PLEKHG7: variants seen among roughly 807,000 people sequenced by gnomAD.
PLEKHG7 encodes the protein pleckstrin homology and RhoGEF domain containing G7, also known as pleckstrin homology domain-containing family G member 7.
In PLEKHG7, 77 loss-of-function variants were observed where a neutral mutation model predicts 85.2. The ratio of observed to expected loss-of-function variants is 0.90; its 90% confidence interval spans 0.75 to 1.09. The LOEUF (loss-of-function observed/expected upper bound fraction) is 1.09. Ranked by LOEUF, PLEKHG7 falls within the 50% of genes least tolerant of loss-of-function variation. PLEKHG7 has a pLI of 0.00. For missense variants in PLEKHG7, 777 were observed against 804.3 expected (o/e 0.97, Z 0.41); for synonymous variants, 301 against 302.4 (o/e 1.00, Z 0.05).
chr12:92,740,989 A>G (rs1236467716), intron 8 of PLEKHG7, 41 bp downstream of exon 8: 1 of 1,398,948 alleles, frequency 7.1e-7, no homozygotes. Context: ...CATTCACTAG[A>G]GGACCATGAA....
chr12:92,706,760 C>T lies in PLEKHG7; in HGVS notation c.129C>T (p.Gly43=). 1 of 1,614,078 alleles carries T rather than the reference C, an allele frequency of 6.2e-7. No individual in the cohort carries two copies. Among genetic ancestry groups the T allele is most frequent in the Non-Finnish European group, 8.5e-7 (1 of 1,180,030 alleles). ...SLLQFDRQAP[G]RISTSPTLRR... ...TCCAGTTTGACCGGCAAGCCCCAGGCCGCATCTCCACCTCGCCCACTTTGA... is the reference window on the plus strand; with the variant it reads ...TCCAGTTTGACCGGCAAGCCCCAGGTCGCATCTCCACCTCGCCCACTTTGA... Residue 43 remains glycine, a synonymous_variant, in exon 2 of 17, where the codon GGC becomes GGT. Transcript: ENST00000344636.
At chr12:92,718,844 C>T (rs1014955702) in intron 3 of PLEKHG7, among the ~76,000 whole-genome samples, 2 of 152,186 alleles carry the variant, frequency 1.3e-5, no homozygotes, top group African/African-American at 2.4e-5. Context: ...GCTCTGAACA[C>T]ATGTCCTCAA....
chr12:92,729,049 TC>T lies in PLEKHG7; in HGVS notation c.591del (p.Asp199ThrfsTer19). On this transcript the variant is annotated frameshift_variant, in exon 4 of 17. Coordinates refer to ENST00000344636, the MANE Select transcript of PLEKHG7 (RefSeq NM_001377329.1). LOFTEE classifies it high-confidence loss of function. The part of the protein sequence containing the change: ...VVLNLPGLEV[F>X]PGDLLVSDGA... ...CTGAACTTACCTGGACTTGAGGTGTTCCCCGGGGACCTTCTGGTGTCAGATG... is the reference window on the plus strand; with the variant it reads ...CTGAACTTACCTGGACTTGAGGTGTTCCCGGGGACCTTCTGGTGTCAGATG... 1 of 1,231,854 alleles carries T rather than the reference TC, an allele frequency of 8.1e-7. No homozygotes were observed. Among genetic ancestry groups the T allele is most frequent in the Admixed American group, 4.2e-5 (1 of 23,694 alleles). 76.3% of individuals were successfully genotyped at this position (1,231,854 alleles called of 1,614,324 possible).
chr12:92,734,742 A>T (rs1181974871), intron 5 of PLEKHG7, among the ~76,000 whole-genome samples: 3 of 152,132 alleles, frequency 2.0e-5, no homozygotes, highest in Admixed American at 2.0e-4. Context: ...CACTCCAAAA[A>T]TTTATATATT....
intron 3 of PLEKHG7, among the ~76,000 whole-genome samples, chr12:92,712,713 C>G (rs551312959): frequency 6.6e-6 from 1 of 152,106 alleles, no homozygotes; most frequent in African/African-American, 2.4e-5. Flanking sequence ...TCCGTAATAG[C>G]CCTCACCCTA....
chr12:92,756,826 A>T (rs1202555453), intron 13 of PLEKHG7, among the ~76,000 whole-genome samples: 4 of 152,128 alleles, frequency 2.6e-5, no homozygotes, highest in Non-Finnish European at 1.5e-5. Flanking sequence ...AGATATAAAA[A>T]CTCATTCTGT....
intron 13 of PLEKHG7, among the ~76,000 whole-genome samples, chr12:92,758,478 A>G (rs908158339): frequency 6.6e-6 from 1 of 152,182 alleles, no homozygotes; most frequent in South Asian, 2.1e-4. Flanking sequence ...CATAATGAGA[A>G]CCCACATGGA....
chr12:92,764,141 C>A lies in PLEKHG7; in HGVS notation c.1817C>A (p.Pro606His), dbSNP rs780281706. The A allele has an allele frequency of 6.2e-7, 1 of 1,610,656 alleles. No homozygotes were observed. The highest frequency in any genetic ancestry group is 1.1e-5 in the South Asian group (1 of 90,562). The part of the protein sequence containing the change: ...EGGSCTVLDQ[P>H]IPLDRLVVKS... ...GGTTCGTGTACAGTACTCGATCAGC[C>A]TATTCCACTAGATAGATTGGTAGTC... is the stretch of plus-strand genomic sequence containing the variant. Residue 606 changes from proline to histidine, a missense_variant, in exon 15 of 17, where the codon CCT becomes CAT. Pro to His is a moderately conservative substitution (Grantham distance 77, BLOSUM62 -2). Transcript: ENST00000344636.
intron 15 of PLEKHG7, among the ~76,000 whole-genome samples, chr12:92,767,173 A>G (rs1223607771): frequency 6.6e-6 from 1 of 152,240 alleles, no homozygotes. Flanking sequence ...ATGGTGCCCA[A>G]TACATAGAAA....
intron 15 of PLEKHG7, among the ~76,000 whole-genome samples, chr12:92,766,349 C>G (rs927355208): frequency 6.6e-6 from 1 of 152,134 alleles, no homozygotes; most frequent in African/African-American, 2.4e-5. Context: ...TGGCCTGACA[C>G]ATAGACTTGA....
chr12:92,732,182 G>A (rs538831720), intron 4 of PLEKHG7, 51 bp from the exon 5 acceptor site: 11 of 1,112,246 alleles, frequency 9.9e-6, no homozygotes, highest in East Asian at 6.4e-5. Context: ...ATGATCTGTC[G>A]CTAGTTACTC....
intron 3 of PLEKHG7, among the ~76,000 whole-genome samples, chr12:92,715,112 T>C (rs1871445235): frequency 6.6e-6 from 1 of 152,178 alleles, no homozygotes; most frequent in South Asian, 2.1e-4. Flanking sequence ...GGTCCCACAA[T>C]AGGCTGTCTG....
At chr12:92,719,214 C>T (rs926289231) in intron 3 of PLEKHG7, among the ~76,000 whole-genome samples, 2 of 152,146 alleles carry the variant, frequency 1.3e-5, no homozygotes, top group Admixed American at 6.5e-5. Context: ...CAATAATTGG[C>T]AGTACAGTTG....
chr12:92,769,001 C>G lies in PLEKHG7; in HGVS notation c.1889C>G (p.Ala630Gly), dbSNP rs1213434511. 2 of 1,595,112 alleles carry G rather than the reference C, an allele frequency of 1.3e-6. No homozygotes were observed. Among genetic ancestry groups the G allele is most frequent in the East Asian group, 2.2e-5 (1 of 44,506 alleles). The part of the protein sequence containing the change: ...LHVSVFGLRN[A>G]FLIQHENRYR... ...TTTCTAGTCTTTGGGCTGAGAAATG[C>G]TTTTCTTATACAACACGAAAACAGA... Residue 630 changes from alanine to glycine, a missense_variant, in exon 16 of 17, where the codon GCT (alanine) becomes GGT (glycine). Ala to Gly is a moderately conservative substitution (Grantham distance 60, BLOSUM62 0). This residue lies in a region of PLEKHG7 where 520 missense variants were observed against 544.0 expected (regional missense o/e 0.96). Transcript: ENST00000344636.
intron 3 of PLEKHG7, among the ~76,000 whole-genome samples, chr12:92,726,504 A>G (rs552742153): frequency 8.8e-4 from 134 of 152,328 alleles, no homozygotes; most frequent in African/African-American, 2.8e-3. Flanking sequence ...AAGAAATTGC[A>G]TCTCTGTCCC....
In PLEKHG7 at chr12:92,740,921, T is replaced by G. The variant is rs1049808596; in HGVS notation, c.1008T>G (p.Leu336=). The G allele has an allele frequency of 6.2e-7, 1 of 1,612,188 alleles. No homozygotes were observed. The highest frequency in any genetic ancestry group is 8.5e-7 in the Non-Finnish European group (1 of 1,178,720). The change falls in exon 8 of 17, where the codon CTT becomes CTG. Residue 336 remains leucine (L), a synonymous_variant. Transcript: ENST00000344636. The part of the protein sequence containing the change: ...EYLLDVDLWR[L]FANLEELTQT... ...TCCTAGATGTGGATTTATGGAGACT[T>G]TTTGCAAACCTGGAGGAGTTAACTC...
chr12:92,745,378 C>A, intron 9 of PLEKHG7, 100 bp from the exon 10 acceptor site: 1 of 770,566 alleles, frequency 1.3e-6, no homozygotes, highest in Non-Finnish European at 2.2e-6. Flanking sequence ...CCACTTTTCC[C>A]TGTTCTAGTT....
At position 92,745,549 on chromosome 12, in the gene PLEKHG7, TGAG is replaced by T. The variant is rs1872512185; in HGVS notation, c.1210_1212del (p.Glu404del). On this transcript the variant is annotated inframe_deletion, in exon 10 of 17. Coordinates refer to ENST00000344636, the MANE Select transcript of PLEKHG7 (RefSeq NM_001377329.1). ...ACTATTCAGCTGCTATCTTTTATCT[TGAG>T]AGCCTGAGGCAGAGAGATGACTTTG... is the stretch of plus-strand genomic sequence containing the variant. 1 of 1,613,668 alleles carries T rather than the reference TGAG, an allele frequency of 6.2e-7. No homozygotes were observed. The highest frequency in any genetic ancestry group is 8.5e-7 in the Non-Finnish European group (1 of 1,179,568).
chr12:92,719,696 TG>T (rs1871584737), intron 3 of PLEKHG7, among the ~76,000 whole-genome samples: 1 of 152,236 alleles, frequency 6.6e-6, no homozygotes, highest in South Asian at 2.1e-4. Flanking sequence ...AATTTGCACC[TG>T]GGAATTAAAG....
Sources: gnomAD v4.1 joint callset for allele counts (sites outside exome capture counted in the v4.1 genomes callset) on GRCh38, gnomAD v4.1.1 for gene constraint, gnomAD v4.1.1 regional missense constraint, MANE v1.5 for transcripts, NCBI Gene and HGNC (gene_info 2026-07-23, HGNC 2026-07-21) for gene names.